Variants in HEPH observed in about 807,000 individuals in gnomAD.
HEPH encodes the protein hephaestin.
HEPH carries 69 observed loss-of-function variants against 80.8 expected under a neutral mutation model. That is an observed-to-expected ratio of 0.85 (90% CI 0.70 to 1.04). The LOEUF is 1.04. Among genes scored for constraint, HEPH ranks in the 50% least tolerant of loss-of-function variants. The pLI, the probability that HEPH is intolerant of heterozygous loss-of-function variation, is 0.00. For missense variants in HEPH, 1,115 were observed against 891.3 expected, an observed-to-expected ratio of 1.25 and a Z score of -3.20; for synonymous variants, 431 against 322.8, an observed-to-expected ratio of 1.34 and a Z score of -3.60.
rs143252537 is a variant in HEPH at position 66,266,542 on chromosome X, G to A, written c.3347G>A (p.Ser1116Asn). The change falls in exon 21 of 21, where the codon AGT becomes AAT. Residue 1116 changes from serine to asparagine, a missense_variant. By Grantham distance (46) the Ser-to-Asn change is conservative. This residue lies in a region of HEPH where 716 missense variants were observed against 523.5 expected (regional missense o/e 1.37). Transcript: ENST00000343002. The part of the protein sequence containing the change: ...EMLASVLVAI[S>N]VTLLLVVLAL... ...CTGGCCTCTGTTTTGGTTGCCATTA[G>A]TGTCACCCTTCTGCTCGTTGTTCTG... 45 of 1,207,056 alleles carry A rather than the reference G, an allele frequency of 3.7e-5. No homozygotes were observed. The African/African-American group carries it at 5.1e-4, about 14-fold the overall frequency.
At chrX:66,162,715 T>C (rs1569272337), upstream of HEPH, 1 of 1,152,946 alleles carries the variant, frequency 8.7e-7, no homozygotes, top group Non-Finnish European at 1.1e-6. Context: ...CACTTAAGAA[T>C]CTCTAGTGGT....
chrX:66,193,048 T>G (rs1016740357), intron 7 of HEPH, among the ~76,000 whole-genome samples: 2 of 110,988 alleles, frequency 1.8e-5, no homozygotes, highest in Admixed American at 1.9e-4. Context: ...TGTTTGAGTC[T>G]CAGCATGGAT....
chrX:66,219,951 C>A (rs891270417), intron 15 of HEPH, among the ~76,000 whole-genome samples: 3 of 111,602 alleles, frequency 2.7e-5, no homozygotes, highest in Non-Finnish European at 3.8e-5. Context: ...GGTTTGAACT[C>A]CACTAGGTGG....
At chrX:66,231,216 C>T (rs2148009754) in intron 15 of HEPH, among the ~76,000 whole-genome samples, 1 of 109,152 alleles carries the variant, frequency 9.2e-6, no homozygotes, top group African/African-American at 3.3e-5. Context: ...AGTGTGATGC[C>T]TCCAGCTTTG....
chrX:66,250,795 A>G (rs2090972743), intron 15 of HEPH, among the ~76,000 whole-genome samples: 1 of 111,993 alleles, frequency 8.9e-6, no homozygotes, highest in Admixed American at 9.5e-5. Flanking sequence ...TGAATGTACC[A>G]CATTTTGTAC....
intron 17 of HEPH, among the ~76,000 whole-genome samples, 183 bp from the exon 18 acceptor site, chrX:66,258,657 A>G (rs2091258660): frequency 8.9e-6 from 1 of 111,756 alleles, no homozygotes; most frequent in South Asian, 3.7e-4. Flanking sequence ...GATAATTTTG[A>G]TAATATCAAT....
At chrX:66,261,541 T>G (rs1482818994) in intron 19 of HEPH, among the ~76,000 whole-genome samples, 2 of 103,247 alleles carry the variant, frequency 1.9e-5, no homozygotes, top group Admixed American at 1.0e-4. Context: ...AGGCTGTGTT[T>G]TTTTTTTTTT....
intron 15 of HEPH, among the ~76,000 whole-genome samples, chrX:66,241,705 A>G (rs1435589515): frequency 8.9e-6 from 1 of 111,784 alleles, no homozygotes; most frequent in Non-Finnish European, 1.9e-5. Context: ...GATTATCAAG[A>G]GATAATATTA....
intron 15 of HEPH, among the ~76,000 whole-genome samples, chrX:66,226,840 A>T (rs1370618985): frequency 8.9e-6 from 1 of 111,822 alleles, no homozygotes; most frequent in African/African-American, 3.2e-5. Flanking sequence ...TACACAGCTG[A>T]ATTCTATCAG....
intron 4 of HEPH, among the ~76,000 whole-genome samples, chrX:66,186,372 C>A (rs894914233): frequency 9.0e-6 from 1 of 110,520 alleles, no homozygotes; most frequent in African/African-American, 3.3e-5. Context: ...GGGCGTAGGA[C>A]CCTCTGAGCC....
rs191226653 is a variant in HEPH at position 66,186,691 on chromosome X, C to T, written c.626-1668C>T. Among the ~76,000 whole-genome samples the T allele has an allele frequency of 1.8e-4, 20 of 111,470 alleles. No homozygotes were observed. In the East Asian group the frequency reaches 3.2e-3, roughly 18 times the overall value. ...GTCGCTCACGCTGGGAGCTGTAGAC[C>T]GGAGCTGTTCCTATTCGGCCATCTT... is the stretch of plus-strand genomic sequence containing the variant. On this transcript the variant is annotated intron_variant, in intron 4 of 20. Transcript: ENST00000343002.
At chrX:66,195,626 A>G (rs2088046483) in intron 9 of HEPH, among the ~76,000 whole-genome samples, 1 of 111,337 alleles carries the variant, frequency 9.0e-6, no homozygotes, top group African/African-American at 3.3e-5. Context: ...ATTCTCAGTT[A>G]CCATTGTATT....
chrX:66,217,974 A>T (rs1271459829), intron 15 of HEPH, among the ~76,000 whole-genome samples: 1 of 111,973 alleles, frequency 8.9e-6, no homozygotes, highest in Non-Finnish European at 1.9e-5. Flanking sequence ...AAAAGGACTA[A>T]TGCAACAGGA....
At position 66,259,086 on chromosome X, in the gene HEPH, G is replaced by A. The variant is rs909664972; in HGVS notation, c.3036+107G>A. The A allele has an allele frequency of 2.2e-5, 18 of 820,461 alleles. No homozygotes were observed. In the East Asian group the frequency reaches 3.8e-4, roughly 18 times the overall value. The allele number at this position is 820,461 out of a possible 1,213,427, so 67.6% of individuals were successfully genotyped here. A position where few individuals can be genotyped will look rare whatever the true frequency, so the allele number is the denominator to read the frequency against. On this transcript the variant is annotated intron_variant, in intron 18 of 20. Transcript: ENST00000343002. Reference sequence around the variant, plus strand: ...GGAACAGGTAACAATTAGTTAAAGAGCAGAGGTCTAGTACATGGAGCACTG... The same window carrying A: ...GGAACAGGTAACAATTAGTTAAAGAACAGAGGTCTAGTACATGGAGCACTG...
intron 15 of HEPH, among the ~76,000 whole-genome samples, chrX:66,254,137 A>C (rs902571525): frequency 3.6e-5 from 4 of 111,767 alleles, no homozygotes; most frequent in Admixed American, 9.5e-5. Context: ...ATATAGCATT[A>C]TTTGGAAGAT....
rs147248696 is a variant in HEPH at position 66,216,791 on chromosome X, G to T, written c.2563+8545G>T. Among the ~76,000 whole-genome samples the T allele has an allele frequency of 8.3e-3, 932 of 111,663 alleles. 13 individuals are homozygous for T. Among genetic ancestry groups the T allele is most frequent in the African/African-American group, 0.028 (854 of 30,745 alleles). On this transcript the variant is annotated intron_variant, in intron 15 of 20. Coordinates refer to ENST00000343002, the MANE Select transcript of HEPH (RefSeq NM_001367233.3). ...CTAATCAAGGAGGCACCAGAGAAAG[G>T]TGAATAACAACTTAAAGAAATTAAA...
chrX:66,173,473 T>C (rs1438913735), intron 3 of HEPH, 116 bp from the exon 4 acceptor site: 2 of 485,288 alleles, frequency 4.1e-6, no homozygotes, highest in Non-Finnish European at 6.9e-6. Flanking sequence ...GTCATTAGCA[T>C]GCTACATTTT....
rs1175914842 is a variant in HEPH at position 66,210,520 on chromosome X, A to G, written c.2563+2274A>G. 3.8e-4 allele frequency among the ~76,000 whole-genome samples: 42 copies of G among 111,319 alleles called. 1 individual carries two copies. The Admixed American group carries it at 3.9e-3, about 10-fold the overall frequency. ...CTAGAGTGTTGGATAAATCATCCAC[A>G]TGCACCTTGAAGTCACTCAGAAAAA... On this transcript the variant is annotated intron_variant, in intron 15 of 20. Transcript: ENST00000343002.
In HEPH at chrX:66,195,706, A is replaced by T. The variant is rs1162380621; in HGVS notation, c.1501+477A>T. Among the ~76,000 whole-genome samples, 6 of 110,937 alleles carry T rather than the reference A, an allele frequency of 5.4e-5. 1 individual carries two copies. The South Asian group carries it at 2.2e-3, about 41-fold the overall frequency. ...GACTATAAAACACTTTATCTCAAGG[A>T]TTTGTCGAAATTTATTTACTTTTTC... is the stretch of plus-strand genomic sequence containing the variant. On this transcript the variant is annotated intron_variant, in intron 9 of 20. Coordinates refer to ENST00000343002, the MANE Select transcript of HEPH (RefSeq NM_001367233.3).
Sources: gnomAD v4.1 joint callset for allele counts (sites outside exome capture counted in the v4.1 genomes callset) on GRCh38, gnomAD v4.1.1 for gene constraint, gnomAD v4.1.1 regional missense constraint, MANE v1.5 for transcripts, NCBI Gene and HGNC (gene_info 2026-07-23, HGNC 2026-07-21) for gene names.